The following FLNB variants were observed in gnomAD, a reference collection of about 807,000 sequenced individuals.
The protein encoded by FLNB is filamin-B.
A neutral mutation model predicts 250.6 loss-of-function variants in FLNB; 111 were observed. The observed-to-expected ratio is 0.44, with a 90% CI of 0.38 to 0.52. FLNB has a LOEUF of 0.52. Among genes scored for constraint, FLNB ranks in the 20% least tolerant of loss-of-function variants. The pLI, the probability that FLNB is intolerant of heterozygous loss-of-function variation, is 0.00. For missense variants in FLNB, 2,869 were observed against 3,447.8 expected (o/e 0.83, Z 4.20); for synonymous variants, 1,302 against 1,372.1 (o/e 0.95, Z 1.13).
chr3:58,141,130 C>G (rs549839354), intron 29 of FLNB, among the ~76,000 whole-genome samples: 26 of 151,896 alleles, frequency 1.7e-4, no homozygotes, highest in Non-Finnish European at 3.5e-4. Context: ...GTGCACGCCT[C>G]TAGTCCCAAC....
In FLNB at chr3:58,109,558, T is replaced by C; in HGVS notation, c.2200-18T>C. On this transcript the variant is annotated intron_variant, in intron 14 of 45. Transcript: ENST00000295956. ...CAAGTGGAGGAGAACTTGATGACCTTCTCCATGTCTTCTCTAGGTCAACAT... is the reference window on the plus strand; with the variant it reads ...CAAGTGGAGGAGAACTTGATGACCTCCTCCATGTCTTCTCTAGGTCAACAT... 6.2e-7 allele frequency: 1 copy of C among 1,614,170 alleles called. No homozygotes were observed.
intron 16 of FLNB, 91 bp from the exon 17 acceptor site, chr3:58,111,700 G>T: frequency 1.1e-6 from 1 of 918,786 alleles, no homozygotes; most frequent in Admixed American, 1.9e-5. Flanking sequence ...CTAAGTCAGA[G>T]TGATGCTAAG....
intron 1 of FLNB, 86 bp downstream of exon 1, chr3:58,008,942 G>A: frequency 6.6e-7 from 1 of 1,524,140 alleles, no homozygotes; most frequent in Non-Finnish European, 9.1e-7. Context: ...AGGATTTCCC[G>A]CAGCGCGCCC....
rs1179714486 is a variant in FLNB at position 58,142,869 on chromosome 3, C to T, written c.5284+117C>T. ...ACCCAGGCTCCTTAACCCAGGGTCA[C>T]GAGTTCTTGGTCTCCGGTGTTGGGC... On this transcript the variant is annotated intron_variant, in intron 31 of 45. Coordinates refer to ENST00000295956, the MANE Select transcript of FLNB (RefSeq NM_001457.4). This position sits in a 1 kb window ranked among gnomAD's most constrained non-coding sequence, Gnocchi z 4.3. 4.6e-6 allele frequency: 4 copies of T among 863,132 alleles called. No individual in the cohort carries two copies. The highest frequency in any genetic ancestry group is 3.3e-5 in the African/African-American group (2 of 60,602). 53.5% of individuals were successfully genotyped at this position (863,132 alleles called of 1,614,324 possible). A position where few individuals can be genotyped will look rare whatever the true frequency, so the allele number is the denominator to read the frequency against.
intron 18 of FLNB, 54 bp from the exon 19 acceptor site, chr3:58,118,818 C>G: frequency 2.2e-6 from 3 of 1,344,966 alleles, no homozygotes; most frequent in South Asian, 1.2e-5. Context: ...ATTTTAAATG[C>G]CAAGTTAGCT....
intron 12 of FLNB, among the ~76,000 whole-genome samples, chr3:58,108,097 A>G (rs528404005): frequency 6.6e-6 from 1 of 151,922 alleles, no homozygotes; most frequent in Non-Finnish European, 1.5e-5. Flanking sequence ...ATAAAATACT[A>G]ATGATAGCCG....
intron 1 of FLNB, among the ~76,000 whole-genome samples, chr3:58,061,556 GTC>G (rs2097178529): frequency 6.6e-6 from 1 of 151,914 alleles, no homozygotes; most frequent in African/African-American, 2.4e-5. Context: ...GCGAAATCCT[GTC>G]TCTACAAAAA....
At chr3:58,016,817 A>G (rs180887835) in intron 1 of FLNB, among the ~76,000 whole-genome samples, 68 of 152,328 alleles carry the variant, frequency 4.5e-4, no homozygotes, top group African/African-American at 1.6e-3. Flanking sequence ...ACTAATGAAA[A>G]TATTCAATGG....
At chr3:58,100,597 TTTTG>T (rs1478122047) in intron 8 of FLNB, among the ~76,000 whole-genome samples, 3 of 137,806 alleles carry the variant, frequency 2.2e-5, no homozygotes, top group African/African-American at 5.7e-5. Context: ...TTCTTTTTTT[TTTTG>T]TTTTGTTTTG....
Position 58,163,279 on chromosome 3 carries a change from A to G in FLNB, c.7147A>G (p.Asn2383Asp), listed in dbSNP as rs553124979. ...CGTTGGGGAGCCTGGACAAGCGGGGAACCCTGCCCTGGTGTCCGCCTATGG... is the reference window on the plus strand; with the variant it reads ...CGTTGGGGAGCCTGGACAAGCGGGGGACCCTGCCCTGGTGTCCGCCTATGG... ...VRVGEPGQAG[N>D]PALVSAYGTG... Residue 2383 changes from asparagine to aspartate, a missense_variant, in exon 43 of 46, where the codon AAC becomes GAC. Physicochemically the swap from Asn to Asp is conservative, Grantham distance 23 (BLOSUM62 1). Around this residue, in one of 5 missense-constraint regions of FLNB, gnomAD observed 1,084 missense variants for 1,315.5 expected, o/e 0.82. Coordinates refer to ENST00000295956, the MANE Select transcript of FLNB (RefSeq NM_001457.4). 1.2e-6 allele frequency: 2 copies of G among 1,614,208 alleles called. No individual in the cohort carries two copies. Among genetic ancestry groups the G allele is most frequent in the East Asian group, 4.5e-5 (2 of 44,886 alleles).
At chr3:58,098,944 T>A in intron 8 of FLNB, 36 bp downstream of exon 8, 3 of 1,570,130 alleles carry the variant, frequency 1.9e-6, no homozygotes, top group Non-Finnish European at 2.6e-6. Flanking sequence ...GTGCTTCTCA[T>A]AGGGAAGCTG....
chr3:58,136,192 C>T (rs1559720848), intron 28 of FLNB, 24 bp downstream of exon 28: 1 of 1,612,364 alleles, frequency 6.2e-7, no homozygotes, highest in Non-Finnish European at 8.5e-7. Context: ...ATCTCAAGGT[C>T]AGGGGCACAG....
intron 1 of FLNB, among the ~76,000 whole-genome samples, chr3:58,076,815 T>C (rs1244865146): frequency 6.6e-6 from 1 of 152,186 alleles, no homozygotes; most frequent in African/African-American, 2.4e-5. Flanking sequence ...GTGTCTTACA[T>C]GCTCATGAAC....
intron 12 of FLNB, among the ~76,000 whole-genome samples, 186 bp from the exon 13 acceptor site, chr3:58,108,272 G>A (rs2097263030): frequency 6.6e-6 from 1 of 152,210 alleles, no homozygotes; most frequent in South Asian, 2.1e-4. Context: ...ATGAGGGAGA[G>A]ACATTTGTTT....
chr3:58,008,852 C>T lies in FLNB; in HGVS notation c.288C>T (p.Ser96=), dbSNP rs1201729887. The T allele has an allele frequency of 6.2e-7, 1 of 1,613,578 alleles. No individual in the cohort carries two copies. Among genetic ancestry groups the T allele is most frequent in the African/African-American group, 1.3e-5 (1 of 74,944 alleles). The part of the protein sequence containing the change: ...FLDRESIKLV[S]IDSKAIVDGN... ...ACCGTGAGAGCATCAAGCTCGTGTCCATCGGTGAGTTCTCTGGCCGGGCCC... is the reference window on the plus strand; with the variant it reads ...ACCGTGAGAGCATCAAGCTCGTGTCTATCGGTGAGTTCTCTGGCCGGGCCC... Residue 96 remains serine (S), a synonymous_variant, in exon 1 of 46, where the codon TCC becomes TCT. Transcript: ENST00000295956.
At chr3:58,054,062 G>C (rs758617592) in intron 1 of FLNB, among the ~76,000 whole-genome samples, 10 of 152,184 alleles carry the variant, frequency 6.6e-5, no homozygotes, top group Admixed American at 6.5e-4. Context: ...GGGCAAAGAA[G>C]GGCCCAGTAG....
intron 1 of FLNB, among the ~76,000 whole-genome samples, chr3:58,062,520 C>A (rs1168713448): frequency 6.6e-6 from 1 of 152,174 alleles, no homozygotes; most frequent in Non-Finnish European, 1.5e-5. Context: ...AAACCTCCCC[C>A]ACCTCCCATT....
chr3:58,056,741 C>T (rs1165088119), intron 1 of FLNB, among the ~76,000 whole-genome samples: 1 of 151,834 alleles, frequency 6.6e-6, no homozygotes, highest in Non-Finnish European at 1.5e-5. Context: ...CAGGCGTGCT[C>T]CACCATACCC....
At chr3:58,064,456 C>T (rs1229389316) in intron 1 of FLNB, among the ~76,000 whole-genome samples, 4 of 152,056 alleles carry the variant, frequency 2.6e-5, no homozygotes, top group African/African-American at 4.8e-5. Flanking sequence ...GCCACAGCAC[C>T]TGGCTGGCAG....
Sources: allele counts gnomAD v4.1 joint callset (sites outside exome capture counted in the v4.1 genomes callset), GRCh38; gene constraint gnomAD v4.1.1; regional missense constraint gnomAD v4.1.1; non-coding constraint Gnocchi (gnomAD v3.1); transcripts MANE v1.5; gene names NCBI Gene and HGNC (gene_info 2026-07-23, HGNC 2026-07-21).